The following SYN3 variants were observed in gnomAD, a reference collection of about 807,000 sequenced individuals.
SYN3 encodes synapsin III, also known as synapsin-3.
Under a neutral mutation model 65.8 loss-of-function variants are expected in SYN3, and 35 were observed. That is an observed-to-expected ratio of 0.53 (90% CI 0.41 to 0.70). SYN3 has a LOEUF of 0.70. Ranked by LOEUF, SYN3 falls within the 30% of genes least tolerant of loss-of-function variation. The pLI, the probability that SYN3 is intolerant of heterozygous loss-of-function variation, is 0.00. For missense variants in SYN3, 680 were observed against 749.0 expected, an observed-to-expected ratio of 0.91 and a Z score of 1.08; for synonymous variants, 270 against 292.9, an observed-to-expected ratio of 0.92 and a Z score of 0.80.
chr22:32,765,427 C>T (rs1422115763), intron 6 of SYN3, among the ~76,000 whole-genome samples: 1 of 152,178 alleles, frequency 6.6e-6, no homozygotes, highest in Non-Finnish European at 1.5e-5. Context: ...CCCCTGTATG[C>T]TGTCATTTTC....
intron 7 of SYN3, among the ~76,000 whole-genome samples, chr22:32,585,936 ATGTG>A (rs879348966): frequency 0.36 from 42,622 of 119,742 alleles, 8,427 homozygotes; most frequent in African/African-American, 0.48. Flanking sequence ...ATATACGTAT[ATGTG>A]TATGTATACA....
chr22:32,801,811 C>T lies in SYN3; in HGVS notation c.711+63104G>A. ...GGAGGCCGCCCGCCGAGTCCTGCGC[C>T]AGCGCCGAGGCAGCCTCGCTGCGCC... On this transcript the variant is annotated intron_variant, in intron 6 of 13. Transcript: ENST00000358763. The surrounding 1 kb of genome is among the most constrained non-coding windows in gnomAD (Gnocchi z 4.7). 1.8e-6 allele frequency: 1 copy of T among 557,386 alleles called. No homozygotes were observed. Among genetic ancestry groups the T allele is most frequent in the East Asian group, 5.5e-5 (1 of 18,164 alleles). 34.5% of individuals were successfully genotyped at this position (557,386 alleles called of 1,614,324 possible). A position where few individuals can be genotyped will look rare whatever the true frequency, so the allele number is the denominator to read the frequency against.
chr22:33,002,409 C>T (rs546794626), intron 2 of SYN3, among the ~76,000 whole-genome samples: 1 of 152,034 alleles, frequency 6.6e-6, no homozygotes, highest in Non-Finnish European at 1.5e-5. Context: ...TTTGGGAGGC[C>T]GAGGTGGGCA....
At chr22:32,631,799 G>C (rs916709342) in intron 6 of SYN3, among the ~76,000 whole-genome samples, 1 of 152,124 alleles carries the variant, frequency 6.6e-6, no homozygotes, top group African/African-American at 2.4e-5. Context: ...TGAGTAACTT[G>C]CCCAAAGTAA....
chr22:32,537,175 T>C (rs889220858), intron 9 of SYN3, among the ~76,000 whole-genome samples: 1 of 152,094 alleles, frequency 6.6e-6, no homozygotes, highest in Non-Finnish European at 1.5e-5. Context: ...CCCTTTTTTT[T>C]TTAAACAGAG....
intron 1 of SYN3, among the ~76,000 whole-genome samples, chr22:33,008,974 G>GAAAGAGAA (rs2053277717): frequency 1.5e-5 from 2 of 129,936 alleles, no homozygotes; most frequent in African/African-American, 5.7e-5. Flanking sequence ...GAGAGAGAGA[G>GAAAGAGAA]AAAAGAAAAA....
At chr22:32,994,651 CT>C (rs1034640549) in intron 2 of SYN3, among the ~76,000 whole-genome samples, 6 of 152,182 alleles carry the variant, frequency 3.9e-5, no homozygotes, top group Admixed American at 3.9e-4. Context: ...TCTCAACCAA[CT>C]CTAGGAGGAG....
chr22:32,773,244 C>T (rs2045820240), intron 6 of SYN3, among the ~76,000 whole-genome samples: 1 of 151,684 alleles, frequency 6.6e-6, no homozygotes, highest in Non-Finnish European at 1.5e-5. Context: ...CCTGTCTCTA[C>T]TAAAATACAA....
chr22:32,932,315 C>CA (rs2050654807), intron 3 of SYN3, among the ~76,000 whole-genome samples: 1 of 151,006 alleles, frequency 6.6e-6, no homozygotes, highest in African/African-American at 2.4e-5. Context: ...ACAGCAGCAG[C>CA]ACCATGTTTG....
At chr22:32,886,578 T>C (rs145722565) in intron 4 of SYN3, among the ~76,000 whole-genome samples, 7 of 152,320 alleles carry the variant, frequency 4.6e-5, no homozygotes, top group African/African-American at 1.4e-4. Flanking sequence ...ATTTGAAACG[T>C]AGTTTGATTT....
intron 1 of SYN3, among the ~76,000 whole-genome samples, chr22:33,022,276 C>A (rs1301130442): frequency 6.6e-6 from 1 of 152,194 alleles, no homozygotes; most frequent in Non-Finnish European, 1.5e-5. Context: ...ACAACATAAC[C>A]TGGGCTTTAG....
Position 33,058,297 on chromosome 22 carries a change from G to A in SYN3, c.-168C>T, listed in dbSNP as rs554654079. 4.6e-5 allele frequency: 7 copies of A among 151,694 alleles called. No individual in the cohort carries two copies. The highest frequency in any genetic ancestry group is 8.9e-5 in the Non-Finnish European group (6 of 67,720). The allele number at this position is 151,694 out of a possible 1,614,324, so 9.4% of individuals were successfully genotyped here. On this transcript the variant is annotated 5_prime_UTR_variant, in exon 1 of 14. Coordinates refer to ENST00000358763, the MANE Select transcript of SYN3 (RefSeq NM_003490.4). The stretch of plus-strand genomic sequence containing the variant: ...TGCGGCGCCGCGCCGCTTACCGTGC[G>A]AGCCGCCAGGAACTCGGCGCCCGGT...
At chr22:32,607,250 T>A (rs1207897523) in intron 6 of SYN3, among the ~76,000 whole-genome samples, 1 of 152,166 alleles carries the variant, frequency 6.6e-6, no homozygotes. Flanking sequence ...CTGCTCAACA[T>A]TGAACCCTCA....
intron 6 of SYN3, among the ~76,000 whole-genome samples, chr22:32,711,274 C>G (rs1459784508): frequency 6.6e-6 from 1 of 152,208 alleles, no homozygotes; most frequent in East Asian, 1.9e-4. Flanking sequence ...ATACCTGGCC[C>G]TAGGATGTCT....
intron 6 of SYN3, among the ~76,000 whole-genome samples, chr22:32,846,147 G>A (rs1300252242): frequency 6.6e-6 from 1 of 152,208 alleles, no homozygotes; most frequent in Non-Finnish European, 1.5e-5. Context: ...TCAGACTTTT[G>A]GAACCATGAC....
At chr22:32,637,624 CTTTTTCTTTTTTTTTTTTTT>C (rs2059834908) in intron 6 of SYN3, among the ~76,000 whole-genome samples, 2 of 111,164 alleles carry the variant, frequency 1.8e-5, no homozygotes, top group Admixed American at 1.8e-4. Flanking sequence ...TTCTTTTTTT[CTTTTTCTTTTTTTTTTTTTT>C]TTTTTTTTTT....
intron 3 of SYN3, among the ~76,000 whole-genome samples, chr22:32,955,261 A>G (rs2051417178): frequency 6.6e-6 from 1 of 152,080 alleles, no homozygotes; most frequent in African/African-American, 2.4e-5. Flanking sequence ...AGCACCAGAC[A>G]CTTTGAAAGG....
intron 6 of SYN3, among the ~76,000 whole-genome samples, chr22:32,779,513 C>G (rs749451430): frequency 1.8e-4 from 27 of 152,150 alleles, no homozygotes; most frequent in Non-Finnish European, 3.1e-4. Flanking sequence ...AGAGACATCA[C>G]TAGTCACCCC....
At chr22:32,662,245 T>G (rs2060226801) in intron 6 of SYN3, among the ~76,000 whole-genome samples, 1 of 143,924 alleles carries the variant, frequency 6.9e-6, no homozygotes, top group Non-Finnish European at 1.5e-5. Context: ...CTCAGATGCC[T>G]TAGTTCTATA....
Sources: allele counts gnomAD v4.1 joint callset (sites outside exome capture counted in the v4.1 genomes callset), GRCh38; gene constraint gnomAD v4.1.1; non-coding constraint Gnocchi (gnomAD v3.1); transcripts MANE v1.5; gene names NCBI Gene and HGNC (gene_info 2026-07-23, HGNC 2026-07-21).